Variants in IRX1 observed in about 807,000 individuals in gnomAD.
IRX1 encodes the protein iroquois-class homeodomain protein IRX-1.
In IRX1, 22 loss-of-function variants were observed where a neutral mutation model predicts 34.1. The ratio of observed to expected loss-of-function variants is 0.64; its 90% CI spans 0.46 to 0.92. The LOEUF (loss-of-function observed/expected upper bound fraction) is 0.92, where lower values mean the gene tolerates loss of function less well. Ranked by LOEUF, IRX1 falls within the 40% of genes least tolerant of loss-of-function variation. The pLI is 0.00. For missense variants in IRX1, 758 were observed against 680.0 expected, an observed-to-expected ratio of 1.11 and a Z score of -1.28; for synonymous variants, 363 against 319.0, an observed-to-expected ratio of 1.14 and a Z score of -1.47.
At chr5:3,600,331 G>C in intron 2 of IRX1, 71 bp downstream of exon 2, 1 of 1,391,562 alleles carries the variant, frequency 7.2e-7, no homozygotes, top group Non-Finnish European at 9.6e-7. Context: ...GTGGTAGCGT[G>C]GGGTGCAGCA....
In IRX1 at chr5:3,600,149, C is replaced by A. The variant is rs1432034718; in HGVS notation, c.1201C>A (p.Pro401Thr). The A allele has an allele frequency of 6.2e-7, 1 of 1,613,030 alleles. No individual in the cohort carries two copies. The highest frequency in any genetic ancestry group is 8.5e-7 in the Non-Finnish European group (1 of 1,179,906). Residue 401 changes from proline (P) to threonine (T), a missense_variant, in exon 2 of 4, where the codon CCC becomes ACC. Transcript: ENST00000302006. The part of the protein sequence containing the change: ...FLGVGAPHAA[P>T]HGPHLPAPPP... ...GGGCGTTGGCGCTCCCCACGCCGCG[C>A]CCCATGGCCCTCACCTTCCTGCACC...
chr5:3,601,058 C>G lies in IRX1; in HGVS notation c.*18C>G, dbSNP rs1284988467. 1 of 1,495,442 alleles carries G rather than the reference C, an allele frequency of 6.7e-7. No individual in the cohort carries two copies. The highest frequency in any genetic ancestry group is 9.1e-7 in the Non-Finnish European group (1 of 1,101,934). 92.6% of individuals were successfully genotyped at this position (1,495,442 alleles called of 1,614,324 possible). A position where few individuals can be genotyped will look rare whatever the true frequency, so the allele number is the denominator to read the frequency against. On this transcript the variant is annotated 3_prime_UTR_variant, in exon 4 of 4. Transcript: ENST00000302006. ...CCGCCTGATTAAGGGTCTTCTTTTA[C>G]TTTTGCGGGGGGGAGGGGGGAGGAG...
Position 3,600,193 on chromosome 5 carries a change from G to T in IRX1, c.1245G>T (p.Pro415=), listed in dbSNP as rs753460625. The part of the protein sequence containing the change: ...HLPAPPPPQP[P]VAIAPGALNG... ...CTGCACCTCCACCACCGCAGCCGCC[G>T]GTCGCTATTGCCCCGGGGGCACTCA... The change falls in exon 2 of 4, where the codon CCG becomes CCT. Residue 415 remains proline (P), a synonymous_variant. Coordinates refer to ENST00000302006, the MANE Select transcript of IRX1 (RefSeq NM_024337.4). The T allele has an allele frequency of 1.4e-5, 23 of 1,611,940 alleles. No homozygotes were observed. Among genetic ancestry groups the T allele is most frequent in the Non-Finnish European group, 1.9e-5 (23 of 1,179,616 alleles).
rs924645279 is a variant in IRX1 at position 3,600,664 on chromosome 5, C to A, written c.1368C>A (p.Phe456Leu). The A allele has an allele frequency of 3.5e-5, 57 of 1,613,752 alleles. No homozygotes were observed. Among genetic ancestry groups the A allele is most frequent in the Non-Finnish European group, 4.5e-5 (53 of 1,179,964 alleles). ...DSPAQQLKSPFQPVRDNSLAP... is the reference protein window; with the variant it reads ...DSPAQQLKSPLQPVRDNSLAP... ...CGGCACAGCAGTTAAAGTCGCCCTT[C>A]CAGCCGGTACGCGACAAGTGAGTGC... is the stretch of plus-strand genomic sequence containing the variant. The change falls in exon 3 of 4, where the codon TTC becomes TTA. Residue 456 changes from phenylalanine to leucine, a missense_variant. By Grantham distance (22) the Phe-to-Leu change is conservative. Around this residue, in one of 3 missense-constraint regions of IRX1, gnomAD observed 529 missense variants for 418.8 expected, o/e 1.26. Transcript: ENST00000302006.
chr5:3,601,089 G>GT lies in IRX1; in HGVS notation c.*49_*50insT. ...CGGGGGGGAGGGGGGAGGAGTTGGGGAGGGAGGGAATGTGGGAGGAATTAA... is the reference window on the plus strand; with the variant it reads ...CGGGGGGGAGGGGGGAGGAGTTGGGGTAGGGAGGGAATGTGGGAGGAATTAA... On this transcript the variant is annotated 3_prime_UTR_variant, in exon 4 of 4. Transcript: ENST00000302006. The GT allele has an allele frequency of 3.9e-6, 5 of 1,282,000 alleles. No individual in the cohort carries two copies. Among genetic ancestry groups the GT allele is most frequent in the African/African-American group, 1.5e-5 (1 of 68,468 alleles). 79.4% of individuals were successfully genotyped at this position (1,282,000 alleles called of 1,614,324 possible). A position where few individuals can be genotyped will look rare whatever the true frequency, so the allele number is the denominator to read the frequency against.
Position 3,601,133 on chromosome 5 carries a change from G to A in IRX1, c.*93G>A. ...GAATTAAGACAAATATTTCAGACTG[G>A]TGTAAAGGACAAATATGACAACGAC... On this transcript the variant is annotated 3_prime_UTR_variant, in exon 4 of 4. Coordinates refer to ENST00000302006, the MANE Select transcript of IRX1 (RefSeq NM_024337.4). The A allele has an allele frequency of 2.6e-6, 3 of 1,174,228 alleles. No homozygotes were observed. The highest frequency in any genetic ancestry group is 3.8e-5 in the Admixed American group (2 of 53,110). 72.7% of individuals were successfully genotyped at this position (1,174,228 alleles called of 1,614,324 possible).
intron 1 of IRX1, 48 bp downstream of exon 1, chr5:3,596,429 A>T: frequency 7.1e-7 from 1 of 1,403,476 alleles, no homozygotes; most frequent in Non-Finnish European, 9.3e-7. Context: ...CACCCGCGCC[A>T]GGGCAAGGGT....
At position 3,599,055 on chromosome 5, in the gene IRX1, G is replaced by C. The variant is rs1287923871; in HGVS notation, c.277-170G>C. ...AGCAGTGAACTGGGGGTGACTTCCT[G>C]ATCTGCCCAGCACAGGAGAGCCCCG... On this transcript the variant is annotated intron_variant, in intron 1 of 3. Transcript: ENST00000302006. This position sits in a 1 kb window ranked among gnomAD's most constrained non-coding sequence, Gnocchi z 6.6. 2.0e-5 allele frequency among the ~76,000 whole-genome samples: 3 copies of C among 152,116 alleles called. No homozygotes were observed. The highest frequency in any genetic ancestry group is 7.2e-5 in the African/African-American group (3 of 41,416).
intron 3 of IRX1, 100 bp downstream of exon 3, chr5:3,600,781 G>A: frequency 8.1e-7 from 1 of 1,241,940 alleles, no homozygotes; most frequent in Non-Finnish European, 1.2e-6. Flanking sequence ...GGTGGGGGTC[G>A]CGCAGTCCTA....
intron 1 of IRX1, among the ~76,000 whole-genome samples, chr5:3,597,678 C>A (rs1208368732): frequency 1.3e-5 from 2 of 152,110 alleles, no homozygotes; most frequent in East Asian, 1.9e-4. Context: ...CAATTACAAC[C>A]AAAATAATTA....
At chr5:3,597,543 A>G (rs1036486553) in intron 1 of IRX1, among the ~76,000 whole-genome samples, 3 of 152,168 alleles carry the variant, frequency 2.0e-5, no homozygotes, top group Non-Finnish European at 4.4e-5. Flanking sequence ...CAGGTCTCTT[A>G]CTATCGAAAA....
At position 3,601,074 on chromosome 5, in the gene IRX1, G is replaced by C. The variant is rs759622499; in HGVS notation, c.*34G>C. 3 of 1,586,884 alleles carry C rather than the reference G, an allele frequency of 1.9e-6. No homozygotes were observed. The highest frequency in any genetic ancestry group is 3.3e-5 in the Admixed American group (2 of 59,972). On this transcript the variant is annotated 3_prime_UTR_variant, in exon 4 of 4. Coordinates refer to ENST00000302006, the MANE Select transcript of IRX1 (RefSeq NM_024337.4). Reference sequence around the variant, plus strand: ...CTTCTTTTACTTTTGCGGGGGGGAGGGGGGAGGAGTTGGGGAGGGAGGGAA... The same window carrying C: ...CTTCTTTTACTTTTGCGGGGGGGAGCGGGGAGGAGTTGGGGAGGGAGGGAA...
chr5:3,600,806 C>A lies in IRX1; in HGVS notation c.1385+125C>A, dbSNP rs1733945903. Reference sequence around the variant, plus strand: ...GCGCAGTCCTAGTTGAAGGAGCGCTCCCCGCCAGCCCTGGGCGCCGGGCGA... The same window carrying A: ...GCGCAGTCCTAGTTGAAGGAGCGCTACCCGCCAGCCCTGGGCGCCGGGCGA... On this transcript the variant is annotated intron_variant, in intron 3 of 3. Transcript: ENST00000302006. The A allele has an allele frequency of 5.2e-6, 6 of 1,149,158 alleles. No individual in the cohort carries two copies. The East Asian group carries it at 7.4e-5, about 14-fold the overall frequency. The allele number at this position is 1,149,158 out of a possible 1,614,324, so 71.2% of individuals were successfully genotyped here. A position where few individuals can be genotyped will look rare whatever the true frequency, so the allele number is the denominator to read the frequency against.
intron 3 of IRX1, 149 bp downstream of exon 3, chr5:3,600,830 G>A: frequency 8.8e-7 from 1 of 1,135,418 alleles, no homozygotes; most frequent in Non-Finnish European, 1.3e-6. Context: ...GGCGCCGGGC[G>A]AGCCGAGGAG....
chr5:3,601,237 T>C lies in IRX1; in HGVS notation c.*197T>C, dbSNP rs1733961359. On this transcript the variant is annotated 3_prime_UTR_variant, in exon 4 of 4. Coordinates refer to ENST00000302006, the MANE Select transcript of IRX1 (RefSeq NM_024337.4). ...GCTCGCGTCCAGGTGGCCAGGCCTC[T>C]GCCGGCGGCTCCAGTGGCTGCGATT... 1 of 605,970 alleles carries C rather than the reference T, an allele frequency of 1.7e-6. No individual in the cohort carries two copies. Among genetic ancestry groups the C allele is most frequent in the Non-Finnish European group, 2.9e-6 (1 of 340,390 alleles). The allele number at this position is 605,970 out of a possible 1,614,324, so 37.5% of individuals were successfully genotyped here. A position where few individuals can be genotyped will look rare whatever the true frequency, so the allele number is the denominator to read the frequency against.
chr5:3,600,742 C>T (rs959186496), intron 3 of IRX1, 61 bp downstream of exon 3: 39 of 1,451,326 alleles, frequency 2.7e-5, no homozygotes, highest in Middle Eastern at 1.8e-4. Flanking sequence ...GAGGAGTGGT[C>T]GGGACCCGGG....
At position 3,601,357 on chromosome 5, in the gene IRX1, C is replaced by G. The variant is rs1266617534; in HGVS notation, c.*317C>G. ...AGATTGTAAATAGCGCGTCAGCGAA[C>G]TTGTCTAAATCATATATTTTTGTCT... On this transcript the variant is annotated 3_prime_UTR_variant, in exon 4 of 4. Coordinates refer to ENST00000302006, the MANE Select transcript of IRX1 (RefSeq NM_024337.4). 4.8e-6 allele frequency: 2 copies of G among 412,662 alleles called. No homozygotes were observed. The highest frequency in any genetic ancestry group is 8.9e-6 in the Non-Finnish European group (2 of 225,254). 25.6% of individuals were successfully genotyped at this position (412,662 alleles called of 1,614,324 possible).
At chr5:3,596,601 A>G (rs544210114) in intron 1 of IRX1, among the ~76,000 whole-genome samples, 1 of 152,202 alleles carries the variant, frequency 6.6e-6, no homozygotes, top group South Asian at 2.1e-4. Flanking sequence ...GGCCTGGGAA[A>G]GCGGAAGGCC....
Position 3,595,981 on chromosome 5 carries a change from C to G in IRX1, c.-125C>G, listed in dbSNP as rs1288670328. ...ATCTCCCGGCCCGCCCGAGCGCGCC[C>G]GGCCGGCCGCCCGCTCCTCCCTAGA... On this transcript the variant is annotated 5_prime_UTR_variant, in exon 1 of 4. Coordinates refer to ENST00000302006, the MANE Select transcript of IRX1 (RefSeq NM_024337.4). 1.8e-6 allele frequency: 1 copy of G among 550,906 alleles called. No individual in the cohort carries two copies. Among genetic ancestry groups the G allele is most frequent in the Non-Finnish European group, 2.3e-6 (1 of 431,192 alleles). 34.1% of individuals were successfully genotyped at this position (550,906 alleles called of 1,614,324 possible).
Sources: allele counts gnomAD v4.1 joint callset (sites outside exome capture counted in the v4.1 genomes callset), GRCh38; gene constraint gnomAD v4.1.1; regional missense constraint gnomAD v4.1.1; non-coding constraint Gnocchi (gnomAD v3.1); transcripts MANE v1.5; gene names NCBI Gene and HGNC (gene_info 2026-07-23, HGNC 2026-07-21).